The following PCDHA12 variants were observed in gnomAD, a reference collection of about 807,000 sequenced individuals.
PCDHA12 encodes the protein protocadherin alpha 12.
In PCDHA12, 44 loss-of-function variants were observed where a neutral mutation model predicts 60.0. The observed-to-expected ratio is 0.73, with a 90% CI of 0.58 to 0.94. The LOEUF (loss-of-function observed/expected upper bound fraction) is 0.94, where lower values mean the gene tolerates loss of function less well. Ranked by LOEUF, PCDHA12 falls within the 40% of genes least tolerant of loss-of-function variation. The pLI is 0.00. For missense variants in PCDHA12, 1,276 were observed against 1,239.7 expected, an observed-to-expected ratio of 1.03 and a Z score of -0.44; for synonymous variants, 569 against 553.0, an observed-to-expected ratio of 1.03 and a Z score of -0.40.
At chr5:140,908,704 C>T (rs1241248582) in intron 1 of PCDHA12, among the ~76,000 whole-genome samples, 12 of 152,178 alleles carry the variant, frequency 7.9e-5, no homozygotes, top group African/African-American at 2.9e-4. Context: ...CCTCAAGCAC[C>T]ATTGGATCTG....
intron 1 of PCDHA12, among the ~76,000 whole-genome samples, chr5:140,955,604 C>T (rs1431862665): frequency 7.2e-5 from 11 of 152,060 alleles, no homozygotes; most frequent in Non-Finnish European, 1.5e-4. Context: ...TATAAATTAC[C>T]CAGTCTCAGG....
chr5:140,877,037 C>G lies in PCDHA12; in HGVS notation c.1565C>G (p.Pro522Arg). The G allele has an allele frequency of 6.2e-7, 1 of 1,612,492 alleles. No individual in the cohort carries two copies. The highest frequency in any genetic ancestry group is 8.5e-7 in the Non-Finnish European group (1 of 1,179,802). The change falls in exon 1 of 4, where the codon CCG becomes CGG. Residue 522 changes from proline to arginine, a missense_variant. By Grantham distance (103) the Pro-to-Arg change is moderately radical (BLOSUM62 -2). Transcript: ENST00000398631. ...AGCGGCAAGGTGTACGCGCTGCAGC[C>G]GCTAGACCACGAGGAGCTGGAGCTG... ...AESGKVYALQ[P>R]LDHEELELLQ...
At chr5:140,967,092 C>A (rs782344374) in intron 1 of PCDHA12, 4 of 1,613,156 alleles carry the variant, frequency 2.5e-6, no homozygotes, top group Non-Finnish European at 2.5e-6. Context: ...GATCGGGAGG[C>A]GCTGTGTGAG....
chr5:140,915,077 C>G (rs2076970768), intron 1 of PCDHA12, among the ~76,000 whole-genome samples: 1 of 151,656 alleles, frequency 6.6e-6, no homozygotes. Flanking sequence ...TACTGAGTAG[C>G]TGGGACTATG....
chr5:140,894,892 G>T (rs941698896), intron 1 of PCDHA12, among the ~76,000 whole-genome samples: 8 of 152,060 alleles, frequency 5.3e-5, no homozygotes, highest in Non-Finnish European at 1.0e-4. Flanking sequence ...AACAGACCAG[G>T]ATAATTTTCC....
intron 1 of PCDHA12, among the ~76,000 whole-genome samples, chr5:140,899,694 T>G (rs961067519): frequency 2.0e-5 from 3 of 152,236 alleles, no homozygotes; most frequent in African/African-American, 4.8e-5. Flanking sequence ...GCTGGCCTCA[T>G]AAAATGAGTT....
At chr5:140,944,608 G>T (rs2093673405) in intron 1 of PCDHA12, among the ~76,000 whole-genome samples, 1 of 152,176 alleles carries the variant, frequency 6.6e-6, no homozygotes, top group Non-Finnish European at 1.5e-5. Context: ...AGAGTAGTGT[G>T]CTGTAGAAGT....
chr5:141,002,336 C>A (rs1236741058), intron 3 of PCDHA12, among the ~76,000 whole-genome samples: 3 of 152,084 alleles, frequency 2.0e-5, no homozygotes, highest in Non-Finnish European at 2.9e-5. Flanking sequence ...TGCATCCGCA[C>A]CCCTTCCCCC....
chr5:140,995,286 C>T (rs571122259), intron 3 of PCDHA12, among the ~76,000 whole-genome samples: 18 of 152,182 alleles, frequency 1.2e-4, no homozygotes, highest in African/African-American at 3.4e-4. Context: ...CCAAAACAGC[C>T]AGTCGGATAC....
chr5:140,927,049 C>T (rs1554203972), intron 1 of PCDHA12: 5 of 1,611,932 alleles, frequency 3.1e-6, no homozygotes, highest in Non-Finnish European at 4.2e-6. Context: ...TATGTCCTCG[C>T]GGAACTTTCG....
chr5:140,877,209 G>C lies in PCDHA12; in HGVS notation c.1737G>C (p.Glu579Asp). 1 of 1,613,794 alleles carries C rather than the reference G, an allele frequency of 6.2e-7. No homozygotes were observed. The highest frequency in any genetic ancestry group is 1.3e-5 in the African/African-American group (1 of 75,064). ...GCAGCGCAGGAGGCGCAGTTAGCGA[G>C]TTGGTACCGCGGTCGGTGGGTGCGG... is the stretch of plus-strand genomic sequence containing the variant. ...PAGSAGGAVS[E>D]LVPRSVGAGH... Residue 579 changes from glutamate (E) to aspartate (D), a missense_variant, in exon 1 of 4, where the codon GAG (glutamate) becomes GAC (aspartate). Coordinates refer to ENST00000398631, the MANE Select transcript of PCDHA12 (RefSeq NM_018903.4).
intron 1 of PCDHA12, among the ~76,000 whole-genome samples, chr5:140,890,695 A>T (rs1196447488): frequency 6.6e-6 from 1 of 152,200 alleles, no homozygotes; most frequent in Non-Finnish European, 1.5e-5. Context: ...AAATGCAGGG[A>T]CCTTACATTT....
Position 140,907,311 on chromosome 5 carries a change from T to C in PCDHA12, c.2367+29472T>C, listed in dbSNP as rs534638330. Among the ~76,000 whole-genome samples the C allele has an allele frequency of 5.9e-5, 9 of 152,292 alleles. No individual in the cohort carries two copies. The East Asian group carries it at 1.7e-3, about 29-fold the overall frequency. On this transcript the variant is annotated intron_variant, in intron 1 of 3. Coordinates refer to ENST00000398631, the MANE Select transcript of PCDHA12 (RefSeq NM_018903.4). Reference sequence around the variant, plus strand: ...AGCTGCTTCAGGATGATGGGGAACATGTAAAGACCAGTGAATTCCATATGC... The same window carrying C: ...AGCTGCTTCAGGATGATGGGGAACACGTAAAGACCAGTGAATTCCATATGC...
intron 1 of PCDHA12, chr5:140,927,345 C>G (rs1391320223): frequency 1.2e-6 from 2 of 1,614,012 alleles, no homozygotes. Context: ...CCCAAGATGA[C>G]GACGAGGGAA....
intron 3 of PCDHA12, among the ~76,000 whole-genome samples, chr5:141,009,356 G>T (rs535761188): frequency 7.9e-5 from 12 of 152,204 alleles, no homozygotes; most frequent in Non-Finnish European, 1.6e-4. Context: ...CTACTTGGGA[G>T]GCTAAGATGG....
intron 1 of PCDHA12, among the ~76,000 whole-genome samples, chr5:140,916,248 T>C (rs2077492943): frequency 6.6e-6 from 1 of 152,180 alleles, no homozygotes; most frequent in Admixed American, 6.5e-5. Flanking sequence ...AGCCTGGACT[T>C]GGGGACCCCA....
rs1389004100 is a variant in PCDHA12, at chr5:140,877,782, G to A, written c.2310G>A (p.Met770Ile). The change falls in exon 1 of 4, where the codon ATG (methionine) becomes ATA (isoleucine). Residue 770 changes from methionine to isoleucine, a missense_variant. Coordinates refer to ENST00000398631, the MANE Select transcript of PCDHA12 (RefSeq NM_018903.4). ...AGAGCCCGCCCAAGACGGACCTCAT[G>A]GCCTTCAGCCCAAGCCTTCAGCTGT... ...SAESPPKTDL[M>I]AFSPSLQLSR... 6.2e-7 allele frequency: 1 copy of A among 1,614,036 alleles called. No homozygotes were observed. Among genetic ancestry groups the A allele is most frequent in the Non-Finnish European group, 8.5e-7 (1 of 1,180,024 alleles).
intron 1 of PCDHA12, among the ~76,000 whole-genome samples, chr5:140,890,509 A>G (rs1448258191): frequency 6.6e-6 from 1 of 151,802 alleles, no homozygotes; most frequent in African/African-American, 2.4e-5. Flanking sequence ...TTATGTCTCT[A>G]TTTCCTTCCT....
chr5:140,969,508 A>C, intron 1 of PCDHA12: 2 of 1,424,370 alleles, frequency 1.4e-6, no homozygotes, highest in South Asian at 1.5e-5. Context: ...GAAAAATAGC[A>C]CTAAAGAATT....
Sources: gnomAD v4.1 joint callset for allele counts (sites outside exome capture counted in the v4.1 genomes callset) on GRCh38, gnomAD v4.1.1 for gene constraint, MANE v1.5 for transcripts, NCBI Gene and HGNC (gene_info 2026-07-23, HGNC 2026-07-21) for gene names.